PTPN14: variants seen among roughly 807,000 people sequenced by gnomAD.
PTPN14 encodes the protein protein tyrosine phosphatase non-receptor type 14.
A neutral mutation model predicts 126.8 loss-of-function variants in PTPN14; 53 were observed. The ratio of observed to expected loss-of-function variants is 0.42; its 90% CI spans 0.34 to 0.53. PTPN14 has a LOEUF of 0.53. Among genes scored for constraint, PTPN14 ranks in the 20% least tolerant of loss-of-function variants. The pLI, the probability that PTPN14 is intolerant of heterozygous loss-of-function variation, is 0.08. For missense variants in PTPN14, 1,257 were observed against 1,552.9 expected, an observed-to-expected ratio of 0.81 and a Z score of 3.20; for synonymous variants, 630 against 599.3, an observed-to-expected ratio of 1.05 and a Z score of -0.75.
At chr1:214,401,897 C>T in intron 6 of PTPN14, 125 bp from the exon 7 acceptor site, 1 of 735,482 alleles carries the variant, frequency 1.4e-6, no homozygotes, top group Non-Finnish European at 2.3e-6. Flanking sequence ...AATCATTACC[C>T]AACTGTGAGG....
At chr1:214,502,418 C>T (rs1296203761) in intron 1 of PTPN14, among the ~76,000 whole-genome samples, 3 of 152,158 alleles carry the variant, frequency 2.0e-5, no homozygotes, top group African/African-American at 7.2e-5. Context: ...CTTCATTGTC[C>T]TATAATACAA....
At chr1:214,504,758 C>T in intron 1 of PTPN14, among the ~76,000 whole-genome samples, 1 of 152,146 alleles carries the variant, frequency 6.6e-6, no homozygotes, top group East Asian at 1.9e-4. Context: ...AGGATAAGGG[C>T]TGGGTACAGA....
At chr1:214,426,529 A>C (rs1455461664) in intron 3 of PTPN14, among the ~76,000 whole-genome samples, 2 of 151,482 alleles carry the variant, frequency 1.3e-5, no homozygotes, top group Non-Finnish European at 2.9e-5. Flanking sequence ...GTAACTTCCT[A>C]GAGAAAAAAA....
chr1:214,402,221 T>C (rs556117358), intron 6 of PTPN14, among the ~76,000 whole-genome samples: 6 of 151,996 alleles, frequency 3.9e-5, no homozygotes, highest in African/African-American at 1.4e-4. Context: ...GCAGATCACT[T>C]GAGGTCAGGC....
At chr1:214,418,045 G>A (rs565332046) in intron 3 of PTPN14, among the ~76,000 whole-genome samples, 2 of 152,326 alleles carry the variant, frequency 1.3e-5, no homozygotes, top group African/African-American at 2.4e-5. Context: ...GGTCATGCCT[G>A]CCTACCTCAT....
intron 1 of PTPN14, among the ~76,000 whole-genome samples, chr1:214,507,486 C>T (rs1654871304): frequency 6.6e-6 from 1 of 152,168 alleles, no homozygotes; most frequent in African/African-American, 2.4e-5. Flanking sequence ...ATAGCTCATC[C>T]TAGAAGAACA....
intron 3 of PTPN14, among the ~76,000 whole-genome samples, chr1:214,444,088 A>T (rs571459570): frequency 1.6e-4 from 24 of 152,334 alleles, no homozygotes; most frequent in Admixed American, 9.8e-4. Flanking sequence ...AGGTTGAAAT[A>T]AAAAACAATG....
rs1355324006 is a variant in PTPN14 at position 214,409,606 on chromosome 1, G to A, written c.510+2078C>T. Among the ~76,000 whole-genome samples, 5 of 152,090 alleles carry A rather than the reference G, an allele frequency of 3.3e-5. No homozygotes were observed. The East Asian group carries it at 9.6e-4, about 29-fold the overall frequency. The stretch of plus-strand genomic sequence containing the variant: ...CAGAAGTGAGACTGCTGGATTATAT[G>A]GTAGTTCTATTTTTAATTTTTCAAG... On this transcript the variant is annotated intron_variant, in intron 5 of 18. Transcript: ENST00000366956.
chr1:214,363,874 C>T (rs1023512658), intron 18 of PTPN14, among the ~76,000 whole-genome samples: 2 of 152,204 alleles, frequency 1.3e-5, no homozygotes, highest in African/African-American at 4.8e-5. Flanking sequence ...CTCCCTAATC[C>T]TACAGCAGCA....
At chr1:214,541,960 A>T (rs1181729000) in intron 1 of PTPN14, among the ~76,000 whole-genome samples, 1 of 152,170 alleles carries the variant, frequency 6.6e-6, no homozygotes, top group Non-Finnish European at 1.5e-5. Flanking sequence ...ATATTTTAGA[A>T]GGGAGAATGT....
intron 8 of PTPN14, 51 bp from the exon 9 acceptor site, chr1:214,395,037 AT>A (rs1291849569): frequency 6.8e-7 from 1 of 1,481,202 alleles, no homozygotes; most frequent in African/African-American, 1.4e-5. Flanking sequence ...CCAGGCATTT[AT>A]GATACAGCAG....
intron 1 of PTPN14, among the ~76,000 whole-genome samples, chr1:214,543,755 A>C (rs1237071227): frequency 6.6e-6 from 1 of 151,776 alleles, no homozygotes; most frequent in Non-Finnish European, 1.5e-5. Flanking sequence ...AGTAGCTGGG[A>C]CTACAGGTGC....
chr1:214,354,043 A>G lies in PTPN14; in HGVS notation c.*3879T>C, dbSNP rs1657761008. On this transcript the variant is annotated 3_prime_UTR_variant, in exon 19 of 19. Coordinates refer to ENST00000366956, the MANE Select transcript of PTPN14 (RefSeq NM_005401.5). The stretch of plus-strand genomic sequence containing the variant: ...CCACTGGAGTTTATAACTGAAAAGC[A>G]CAAGCTGAAAGAAAGCAGGATAAAG... 1 of 152,264 alleles carries G rather than the reference A, an allele frequency of 6.6e-6. No individual in the cohort carries two copies. The highest frequency in any genetic ancestry group is 1.5e-5 in the Non-Finnish European group (1 of 68,080). The allele number at this position is 152,264 out of a possible 1,614,324, so 9.4% of individuals were successfully genotyped here.
Position 214,356,550 on chromosome 1 carries a change from A to G in PTPN14, c.*1372T>C, listed in dbSNP as rs1657824900. The G allele has an allele frequency of 6.6e-6, 1 of 152,238 alleles. No individual in the cohort carries two copies. The highest frequency in any genetic ancestry group is 1.5e-5 in the Non-Finnish European group (1 of 68,038). The allele number at this position is 152,238 out of a possible 1,614,324, so 9.4% of individuals were successfully genotyped here. On this transcript the variant is annotated 3_prime_UTR_variant, in exon 19 of 19. Coordinates refer to ENST00000366956, the MANE Select transcript of PTPN14 (RefSeq NM_005401.5). ...ACCATCCTTGGAAATTCAGAAGGACACTGACCAATGAAGCCATAGGAAGAA... is the reference window on the plus strand; with the variant it reads ...ACCATCCTTGGAAATTCAGAAGGACGCTGACCAATGAAGCCATAGGAAGAA...
At chr1:214,484,899 C>A (rs146098795) in intron 1 of PTPN14, among the ~76,000 whole-genome samples, 2 of 152,076 alleles carry the variant, frequency 1.3e-5, no homozygotes, top group African/African-American at 2.4e-5. Context: ...ATACAAGAGG[C>A]GTTTGTTTCA....
intron 1 of PTPN14, among the ~76,000 whole-genome samples, chr1:214,480,977 C>A (rs6682987): frequency 0.92 from 139,570 of 152,210 alleles, 64,104 homozygotes; most frequent in African/African-American, 0.97. Flanking sequence ...AAGAAACAAG[C>A]AGCAGATGAA....
intron 2 of PTPN14, among the ~76,000 whole-genome samples, chr1:214,461,850 G>C (rs1660521785): frequency 6.6e-6 from 1 of 152,110 alleles, no homozygotes; most frequent in Admixed American, 6.5e-5. Flanking sequence ...TCTTAGATTG[G>C]TTGTCACCTT....
chr1:214,413,673 A>C (rs1169816343), intron 4 of PTPN14, among the ~76,000 whole-genome samples: 3 of 152,116 alleles, frequency 2.0e-5, no homozygotes, highest in African/African-American at 7.2e-5. Flanking sequence ...AAATGTTTTT[A>C]ATTTTTACTT....
rs1055472030 is a variant in PTPN14, at chr1:214,359,217, CT to C, written c.3436-1168del. On this transcript the variant is annotated intron_variant, in intron 18 of 18. Coordinates refer to ENST00000366956, the MANE Select transcript of PTPN14 (RefSeq NM_005401.5). The stretch of plus-strand genomic sequence containing the variant: ...GCCTTCAACTGAGAACACTTTTTTT[CT>C]TTTTTTTTTTTTTGAGACGGAGTCT... 1.5e-3 allele frequency among the ~76,000 whole-genome samples: 216 copies of C among 140,980 alleles called. 1 individual carries two copies. Among genetic ancestry groups the C allele is most frequent in the Admixed American group, 1.6e-3 (22 of 14,060 alleles). 92.5% of individuals were successfully genotyped at this position (140,980 alleles called of 152,430 possible). A position where few individuals can be genotyped will look rare whatever the true frequency, so the allele number is the denominator to read the frequency against.
Sources: allele counts gnomAD v4.1 joint callset (sites outside exome capture counted in the v4.1 genomes callset), GRCh38; gene constraint gnomAD v4.1.1; transcripts MANE v1.5; gene names NCBI Gene and HGNC (gene_info 2026-07-23, HGNC 2026-07-21).